SEL1L: variants seen among roughly 807,000 people sequenced by gnomAD.
The protein encoded by SEL1L is SEL1L adaptor subunit of SYVN1 ubiquitin ligase, also known as protein sel-1 homolog 1.
In SEL1L, 52 loss-of-function variants were observed where a neutral mutation model predicts 109.8. The observed-to-expected ratio is 0.47, with a 90% CI of 0.38 to 0.60. The LOEUF (loss-of-function observed/expected upper bound fraction) is 0.60. Ranked by LOEUF, SEL1L falls within the 20% of genes least tolerant of loss-of-function variation. SEL1L has a pLI of 0.00. For synonymous variants in SEL1L, 373 were observed against 339.6 expected (o/e 1.10, Z -1.08); for missense variants, 749 against 962.2 (o/e 0.78, Z 2.93).
At position 81,473,691 on chromosome 14, in the gene SEL1L, C is replaced by T. The variant is rs1280074759; in HGVS notation, c.*3281G>A. The T allele has an allele frequency of 1.3e-5, 2 of 152,036 alleles. No homozygotes were observed. Among genetic ancestry groups the T allele is most frequent in the East Asian group, 1.9e-4 (1 of 5,198 alleles). The allele number at this position is 152,036 out of a possible 1,614,324, so 9.4% of individuals were successfully genotyped here. On this transcript the variant is annotated 3_prime_UTR_variant, in exon 21 of 21. Coordinates refer to ENST00000336735, the MANE Select transcript of SEL1L (RefSeq NM_005065.6). Reference sequence around the variant, plus strand: ...ATGACACATCTTGTTTTGAAATGTGCATGTGAAATGTTAGTCCGAACCTCT... The same window carrying T: ...ATGACACATCTTGTTTTGAAATGTGTATGTGAAATGTTAGTCCGAACCTCT...
Position 81,504,210 on chromosome 14 carries a change from T to G in SEL1L, c.605A>C (p.Gln202Pro). The stretch of plus-strand genomic sequence containing the variant: ...TAGCAGTGCTACCTACTCTCTTTTT[T>G]GGCTTTTCTTATTGCTTCCATTAAG... ...KILNGSNKKS[Q>P]KREAYRYLQK... is the part of the protein sequence containing the mutation. Residue 202 changes from glutamine (Q) to proline (P), a missense_variant, in exon 5 of 21, where the codon CAA becomes CCA. Physicochemically the swap from Gln to Pro is moderately conservative, Grantham distance 76. Around this residue, in one of 2 missense-constraint regions of SEL1L, gnomAD observed 366 missense variants for 399.8 expected, o/e 0.92. Transcript: ENST00000336735. The G allele has an allele frequency of 6.3e-7, 1 of 1,587,480 alleles. No individual in the cohort carries two copies.
At chr14:81,489,453 C>T (rs1883460192) in intron 13 of SEL1L, 139 bp from the exon 14 acceptor site, 4 of 695,068 alleles carry the variant, frequency 5.8e-6, no homozygotes, top group Non-Finnish European at 9.8e-6. Flanking sequence ...ACAAAACTTT[C>T]TTCTTCTCAT....
At chr14:81,494,879 C>T (rs1883681137) in intron 11 of SEL1L, among the ~76,000 whole-genome samples, 1 of 152,198 alleles carries the variant, frequency 6.6e-6, no homozygotes, top group Admixed American at 6.5e-5. Context: ...ATGGTGAATG[C>T]CTAGCAGTGA....
intron 19 of SEL1L, among the ~76,000 whole-genome samples, chr14:81,483,345 T>C (rs1903417921): frequency 2.6e-5 from 4 of 152,240 alleles, no homozygotes; most frequent in Admixed American, 2.6e-4. Context: ...ATGCATTAAC[T>C]GACCAACTGT....
intron 3 of SEL1L, among the ~76,000 whole-genome samples, chr14:81,526,426 TA>T (rs1885115834): frequency 6.6e-6 from 1 of 152,184 alleles, no homozygotes; most frequent in African/African-American, 2.4e-5. Context: ...CCTGACATAT[TA>T]TTTTTTTAAA....
rs1885138211 is a variant in SEL1L at position 81,526,969 on chromosome 14, G to T, written c.109-5C>A. ...CTCATCTGATGTCAAAGTAGTCTGAGAATATAAAGTATTTTTAGTTATCAA... is the reference window on the plus strand; with the variant it reads ...CTCATCTGATGTCAAAGTAGTCTGATAATATAAAGTATTTTTAGTTATCAA... On this transcript the variant is annotated splice_region_variant and splice_polypyrimidine_tract_variant and intron_variant, in intron 2 of 20. Transcript: ENST00000336735. 6.3e-7 allele frequency: 1 copy of T among 1,597,414 alleles called. No homozygotes were observed. Among genetic ancestry groups the T allele is most frequent in the Non-Finnish European group, 8.6e-7 (1 of 1,165,510 alleles).
rs1903291317 is a variant in SEL1L, at chr14:81,479,847, A to T, written c.2047-107T>A. Reference sequence around the variant, plus strand: ...TTTACCTTTGAGGTTTTCATTTTAAAATGAGTTTCCCTCACCTAAACAAAA... The same window carrying T: ...TTTACCTTTGAGGTTTTCATTTTAATATGAGTTTCCCTCACCTAAACAAAA... On this transcript the variant is annotated intron_variant, in intron 19 of 20. Coordinates refer to ENST00000336735, the MANE Select transcript of SEL1L (RefSeq NM_005065.6). 5.5e-6 allele frequency: 6 copies of T among 1,098,784 alleles called. No homozygotes were observed. The South Asian group carries it at 1.2e-4, about 22-fold the overall frequency. The allele number at this position is 1,098,784 out of a possible 1,614,324, so 68.1% of individuals were successfully genotyped here. A position where few individuals can be genotyped will look rare whatever the true frequency, so the allele number is the denominator to read the frequency against.
At chr14:81,489,971 G>GA (rs1417141030) in intron 13 of SEL1L, among the ~76,000 whole-genome samples, 1 of 152,196 alleles carries the variant, frequency 6.6e-6, no homozygotes, top group African/African-American at 2.4e-5. Context: ...TGTACATACT[G>GA]AAGACATACA....
intron 3 of SEL1L, among the ~76,000 whole-genome samples, chr14:81,519,458 C>G (rs1413516989): frequency 2.0e-5 from 3 of 152,158 alleles, no homozygotes; most frequent in African/African-American, 7.2e-5. Context: ...GTGAAATATT[C>G]AAGAAATAGC....
At chr14:81,482,236 T>C (rs1903380683) in intron 19 of SEL1L, among the ~76,000 whole-genome samples, 1 of 152,220 alleles carries the variant, frequency 6.6e-6, no homozygotes, top group Non-Finnish European at 1.5e-5. Flanking sequence ...TTAGAACACA[T>C]TTTCTTGTTT....
At chr14:81,481,373 T>C (rs1903350610) in intron 19 of SEL1L, among the ~76,000 whole-genome samples, 1 of 152,240 alleles carries the variant, frequency 6.6e-6, no homozygotes, top group African/African-American at 2.4e-5. Flanking sequence ...CTATTCCTTA[T>C]TCTTGTCCTT....
At chr14:81,484,178 C>T in intron 19 of SEL1L, 47 bp downstream of exon 19, 3 of 1,539,358 alleles carry the variant, frequency 1.9e-6, no homozygotes, top group Non-Finnish European at 2.7e-6. Flanking sequence ...AAGTATTTTC[C>T]CCAATCACAA....
chr14:81,496,190 A>G (rs1883740658), intron 10 of SEL1L, among the ~76,000 whole-genome samples: 2 of 151,504 alleles, frequency 1.3e-5, no homozygotes, highest in African/African-American at 2.4e-5. Flanking sequence ...CGGGCATGGT[A>G]GCGGGTGCCT....
intron 5 of SEL1L, among the ~76,000 whole-genome samples, chr14:81,503,604 A>G (rs565713006): frequency 1.8e-4 from 27 of 152,180 alleles, no homozygotes; most frequent in Non-Finnish European, 2.6e-4. Context: ...TGTTATCCTA[A>G]TATCTTGAAA....
At chr14:81,511,555 G>C (rs1168297952) in intron 3 of SEL1L, among the ~76,000 whole-genome samples, 1 of 152,216 alleles carries the variant, frequency 6.6e-6, no homozygotes, top group East Asian at 1.9e-4. Context: ...TAATTTGCTT[G>C]TAAAACCAAA....
intron 3 of SEL1L, among the ~76,000 whole-genome samples, chr14:81,514,853 T>A (rs1014807966): frequency 6.6e-6 from 1 of 152,164 alleles, no homozygotes; most frequent in Non-Finnish European, 1.5e-5. Context: ...GGCCCCAATA[T>A]TCTCTCTGAT....
rs1885137993 is a variant in SEL1L at position 81,526,963 on chromosome 14, G to A, written c.110C>T (p.Thr37Ile). Residue 37 changes from threonine to isoleucine, a missense_variant and splice_region_variant, in exon 3 of 21, where the codon ACT (threonine) becomes ATT (isoleucine). By Grantham distance (89) the Thr-to-Ile change is moderately conservative. This residue lies in a region of SEL1L where 366 missense variants were observed against 399.8 expected (regional missense o/e 0.92). Transcript: ENST00000336735. Reference protein sequence around the residue: ...GSQDESLDSKTTLTSDESVKD... With the variant: ...GSQDESLDSKITLTSDESVKD... ...TACTGACTCATCTGATGTCAAAGTA[G>A]TCTGAGAATATAAAGTATTTTTAGT... is the stretch of plus-strand genomic sequence containing the variant. 1 of 1,604,432 alleles carries A rather than the reference G, an allele frequency of 6.2e-7. No homozygotes were observed. Among genetic ancestry groups the A allele is most frequent in the Non-Finnish European group, 8.5e-7 (1 of 1,171,840 alleles).
intron 3 of SEL1L, among the ~76,000 whole-genome samples, chr14:81,512,908 G>A (rs190393842): frequency 1.3e-5 from 2 of 152,326 alleles, no homozygotes; most frequent in East Asian, 3.9e-4. Flanking sequence ...TCTTTTGAAA[G>A]ACCGCTTATC....
chr14:81,476,989 G>A lies in SEL1L; in HGVS notation c.2368C>T (p.Gln790Ter). ...AGTGCCTATTACTGTGGTGGCTGCT[G>A]CTCTGGTGGCCCCTCCTGCTGGGGT... Reference protein sequence around the residue: ...APPQQEGPPEQQPPQ With the variant: ...APPQQEGPPE Residue 790 changes from glutamine (Q) to a stop codon, truncating the protein, a stop_gained, in exon 21 of 21, where the codon CAG becomes TAG. Transcript: ENST00000336735. LOFTEE classifies it high-confidence loss of function. 1 of 1,614,180 alleles carries A rather than the reference G, an allele frequency of 6.2e-7. No homozygotes were observed. The highest frequency in any genetic ancestry group is 8.5e-7 in the Non-Finnish European group (1 of 1,180,030).
Sources: gnomAD v4.1 joint callset for allele counts (sites outside exome capture counted in the v4.1 genomes callset) on GRCh38, gnomAD v4.1.1 for gene constraint, gnomAD v4.1.1 regional missense constraint, MANE v1.5 for transcripts, NCBI Gene and HGNC (gene_info 2026-07-23, HGNC 2026-07-21) for gene names.